Variants in IDI1 observed in about 807,000 individuals in gnomAD.
The protein encoded by IDI1 is isopentenyl-diphosphate delta isomerase 1, also known as isopentenyl-diphosphate Delta-isomerase 1.
Under a neutral mutation model 32.9 loss-of-function variants are expected in IDI1, and 23 were observed. That is an observed-to-expected ratio of 0.70 (90% confidence interval 0.50 to 0.99). The LOEUF (loss-of-function observed/expected upper bound fraction) is 0.99, where lower values mean the gene tolerates loss of function less well. IDI1 is among the 50% of genes least tolerant of loss of function. The pLI is 0.00. For synonymous variants in IDI1, 133 were observed against 128.2 expected, an observed-to-expected ratio of 1.04 and a Z score of -0.25; for missense variants, 326 against 351.9, an observed-to-expected ratio of 0.93 and a Z score of 0.59.
upstream of IDI1, among the ~76,000 whole-genome samples, chr10:1,050,281 G>C (rs577327434): frequency 2.6e-5 from 4 of 152,138 alleles, no homozygotes; most frequent in Non-Finnish European, 5.9e-5. Flanking sequence ...CTTTGATTTT[G>C]TTTTATGTGT....
Position 1,048,994 on chromosome 10 carries a change from C to A in IDI1, c.10G>T (p.Gly4Ter). 1.3e-6 allele frequency: 2 copies of A among 1,506,366 alleles called. No homozygotes were observed. The highest frequency in any genetic ancestry group is 1.8e-6 in the Non-Finnish European group (2 of 1,135,456). 93.3% of individuals were successfully genotyped at this position (1,506,366 alleles called of 1,614,324 possible). A position where few individuals can be genotyped will look rare whatever the true frequency, so the allele number is the denominator to read the frequency against. The change falls in exon 1 of 5, where the codon GGA (glycine) becomes TGA (stop). Residue 4 changes from glycine (G) to a stop codon, truncating the protein, a stop_gained. Transcript: ENST00000381344. LOFTEE classifies it high-confidence loss of function. ...CCAATCGCTCGCGCCAGCGCCAGTC[C>A]ACGCCACATCGCCCGGCCAATTGGC... MWR[G>*]LALARAIGCA... is the part of the protein sequence containing the mutation.
At chr10:1,043,156 C>T in intron 3 of IDI1, 145 bp downstream of exon 3, 1 of 610,558 alleles carries the variant, frequency 1.6e-6, no homozygotes, top group East Asian at 2.8e-5. Context: ...TTAGGTTGCA[C>T]TCATTGTGTA....
rs570072568 is a variant in IDI1 at position 1,048,815 on chromosome 10, G to A, written c.140+49C>T. ...TCCCCGCCCCGTCCCGCAGCTCCCC[G>A]ATGCCGCCCTGCCCCTGTCTCCCGA... On this transcript the variant is annotated intron_variant, in intron 1 of 4. Coordinates refer to ENST00000381344, the MANE Select transcript of IDI1 (RefSeq NM_004508.4). The A allele has an allele frequency of 6.3e-6, 10 of 1,578,682 alleles. 1 individual carries two copies. The African/African-American group carries it at 1.1e-4, about 17-fold the overall frequency.
At chr10:1,046,523 T>C (rs1427908488) in intron 1 of IDI1, among the ~76,000 whole-genome samples, 3 of 126,176 alleles carry the variant, frequency 2.4e-5, no homozygotes, top group Non-Finnish European at 3.3e-5. Context: ...GCCCAGCTGC[T>C]CCACTGTCTA....
Position 1,042,086 on chromosome 10 carries a change from C to T in IDI1, c.537+546G>A, listed in dbSNP as rs1049315078. 4.6e-5 allele frequency among the ~76,000 whole-genome samples: 7 copies of T among 152,128 alleles called. 1 individual carries two copies. In the South Asian group the frequency reaches 6.2e-4, roughly 14 times the overall value. On this transcript the variant is annotated intron_variant, in intron 4 of 4. Coordinates refer to ENST00000381344, the MANE Select transcript of IDI1 (RefSeq NM_004508.4). ...CCTCCCAAAGTGCTGGGATTACAGG[C>T]GTGAGCCACCACGACCGGCCCGACA... is the stretch of plus-strand genomic sequence containing the variant.
chr10:1,055,971 G>A, the IDI1 span, among the ~76,000 whole-genome samples: 1 of 152,090 alleles, frequency 6.6e-6, no homozygotes, highest in Non-Finnish European at 1.5e-5. Context: ...GCCACGCCCG[G>A]CTAGTTTTTG....
chr10:1,055,303 G>A, the IDI1 span, among the ~76,000 whole-genome samples: 2 of 152,194 alleles, frequency 1.3e-5, no homozygotes, highest in Non-Finnish European at 2.9e-5. Flanking sequence ...TAAAGCGACT[G>A]ATCCTCAAAA....
chr10:1,052,975 C>G (rs1321081363), upstream of IDI1, among the ~76,000 whole-genome samples: 1 of 152,152 alleles, frequency 6.6e-6, no homozygotes, highest in Non-Finnish European at 1.5e-5. Flanking sequence ...TTAGGTAGAT[C>G]TCCTAGATGA....
At chr10:1,048,772 C>T in intron 1 of IDI1, 92 bp downstream of exon 1, 1 of 1,528,282 alleles carries the variant, frequency 6.5e-7, no homozygotes. Context: ...TCACGGGTGG[C>T]TCAGACCTCG....
At chr10:1,054,764 G>C in the IDI1 span, among the ~76,000 whole-genome samples, 1 of 152,198 alleles carries the variant, frequency 6.6e-6, no homozygotes, top group African/African-American at 2.4e-5. Context: ...CTCACTTCCA[G>C]TATTTTATAA....
rs1832538837 is a variant in IDI1, at chr10:1,040,672, G to C, written c.*515C>G. 1 of 153,130 alleles carries C rather than the reference G, an allele frequency of 6.5e-6. No homozygotes were observed. Among genetic ancestry groups the C allele is most frequent in the African/African-American group, 2.4e-5 (1 of 41,452 alleles). The allele number at this position is 153,130 out of a possible 1,614,324, so 9.5% of individuals were successfully genotyped here. A position where few individuals can be genotyped will look rare whatever the true frequency, so the allele number is the denominator to read the frequency against. On this transcript the variant is annotated 3_prime_UTR_variant, in exon 5 of 5. Transcript: ENST00000381344. Reference sequence around the variant, plus strand: ...GGGTCCATATCATTTAATTTCCCTTGAACCTGCTCTGCTAGTTTAATCTGC... The same window carrying C: ...GGGTCCATATCATTTAATTTCCCTTCAACCTGCTCTGCTAGTTTAATCTGC...
At chr10:1,054,967 C>G in the IDI1 span, among the ~76,000 whole-genome samples, 3 of 152,212 alleles carry the variant, frequency 2.0e-5, no homozygotes, top group Non-Finnish European at 4.4e-5. Context: ...CAAGGAATGC[C>G]TAGACGCTGA....
chr10:1,048,286 A>G (rs1832860935), intron 1 of IDI1: 2 of 1,304,410 alleles, frequency 1.5e-6, no homozygotes, highest in Non-Finnish European at 2.0e-6. Flanking sequence ...GCGGGAACAC[A>G]TCATCCAACC....
rs777707994 is a variant in IDI1 at position 1,048,904 on chromosome 10, G to C, written c.100C>G (p.His34Asp). The C allele has an allele frequency of 6.2e-7, 1 of 1,606,406 alleles. No individual in the cohort carries two copies. The highest frequency in any genetic ancestry group is 1.1e-5 in the South Asian group (1 of 90,650). Residue 34 changes from histidine (H) to aspartate (D), a missense_variant, in exon 1 of 5, where the codon CAT becomes GAT. His to Asp is a moderately conservative substitution (Grantham distance 81). Coordinates refer to ENST00000381344, the MANE Select transcript of IDI1 (RefSeq NM_004508.4). ...CCACAGACAACCGCCGGTCCCGGATGGCGCCCGCTTTGAGCACAGTCTGCG... is the reference window on the plus strand; with the variant it reads ...CCACAGACAACCGCCGGTCCCGGATCGCGCCCGCTTTGAGCACAGTCTGCG... The part of the protein sequence containing the change: ...RAADCAQSGR[H>D]PGPAVVCGRR...
the IDI1 span, among the ~76,000 whole-genome samples, chr10:1,055,997 C>T: frequency 2.0e-5 from 3 of 152,152 alleles, no homozygotes; most frequent in African/African-American, 7.2e-5. Flanking sequence ...TTAGTAAAGA[C>T]AGGGTTTCAC....
At chr10:1,050,282 T>A (rs1832966918), upstream of IDI1, among the ~76,000 whole-genome samples, 1 of 152,152 alleles carries the variant, frequency 6.6e-6, no homozygotes, top group Admixed American at 6.5e-5. Flanking sequence ...TTTGATTTTG[T>A]TTTATGTGTT....
At position 1,049,005 on chromosome 10, in the gene IDI1, G is replaced by C; in HGVS notation, c.-2C>G. 2 of 1,487,768 alleles carry C rather than the reference G, an allele frequency of 1.3e-6. No homozygotes were observed. The highest frequency in any genetic ancestry group is 1.8e-6 in the Non-Finnish European group (2 of 1,128,138). 92.2% of individuals were successfully genotyped at this position (1,487,768 alleles called of 1,614,324 possible). Reference sequence around the variant, plus strand: ...CGCCAGCGCCAGTCCACGCCACATCGCCCGGCCAATTGGCGCCCGTACGCG... The same window carrying C: ...CGCCAGCGCCAGTCCACGCCACATCCCCCGGCCAATTGGCGCCCGTACGCG... On this transcript the variant is annotated 5_prime_UTR_variant, in exon 1 of 5. Transcript: ENST00000381344.
chr10:1,050,271 C>T (rs1490045871), upstream of IDI1, among the ~76,000 whole-genome samples: 1 of 152,204 alleles, frequency 6.6e-6, no homozygotes, highest in African/African-American at 2.4e-5. Flanking sequence ...AAAAAACAGA[C>T]TTTGATTTTG....
chr10:1,040,824 G>A lies in IDI1; in HGVS notation c.*363C>T, dbSNP rs189056037. The A allele has an allele frequency of 1.4e-4, 24 of 169,282 alleles. No homozygotes were observed. The East Asian group carries it at 3.0e-3, about 21-fold the overall frequency. The allele number at this position is 169,282 out of a possible 1,614,324, so 10.5% of individuals were successfully genotyped here. A position where few individuals can be genotyped will look rare whatever the true frequency, so the allele number is the denominator to read the frequency against. ...CTGGCAAATAGCAAGTCCTCTGCAA[G>A]TGCTCCGGAAATGTTTATCACAGCC... is the stretch of plus-strand genomic sequence containing the variant. On this transcript the variant is annotated 3_prime_UTR_variant, in exon 5 of 5. Coordinates refer to ENST00000381344, the MANE Select transcript of IDI1 (RefSeq NM_004508.4).
Sources: allele counts gnomAD v4.1 joint callset (sites outside exome capture counted in the v4.1 genomes callset), GRCh38; gene constraint gnomAD v4.1.1; transcripts MANE v1.5; gene names NCBI Gene and HGNC (gene_info 2026-07-23, HGNC 2026-07-21).